The following TSC2 variants were observed in gnomAD, a reference collection of about 807,000 sequenced individuals.
TSC2 encodes the protein TSC complex subunit 2.
TSC2 carries 29 observed loss-of-function variants against 202.2 expected under a neutral mutation model. The ratio of observed to expected loss-of-function variants is 0.14; its 90% CI spans 0.11 to 0.20. The LOEUF is 0.20. Among genes scored for constraint, TSC2 ranks in the 10% least tolerant of loss-of-function variants. The pLI is 1.00. For synonymous variants in TSC2, 1,349 were observed against 1,044.0 expected, an observed-to-expected ratio of 1.29 and a Z score of -5.63; for missense variants, 2,429 against 2,420.0, an observed-to-expected ratio of 1.00 and a Z score of -0.08.
rs1368854271 is a variant in TSC2, at chr16:2,059,532, T to TC, written c.975+659_975+660insC. Among the ~76,000 whole-genome samples the TC allele has an allele frequency of 1.1e-4, 16 of 147,858 alleles. No individual in the cohort carries two copies. The East Asian group carries it at 2.6e-3, about 24-fold the overall frequency. On this transcript the variant is annotated intron_variant, in intron 10 of 41. Coordinates refer to ENST00000219476, the MANE Select transcript of TSC2 (RefSeq NM_000548.5). ...TGGTTTTTTTTTTTTTTTTTTTTTT[T>TC]TAATGGGACAGAGTTTCGCTCTTAT...
chr16:2,086,602 GCCAGGCA>G (rs568762494), intron 37 of TSC2, 123 bp from the exon 38 acceptor site: 442 of 1,474,242 alleles, frequency 3.0e-4, no homozygotes, highest in Non-Finnish European at 3.9e-4. Context: ...AGGACCACTG[GCCAGGCA>G]CCAGAGGACG....
chr16:2,084,657 G>C lies in TSC2; in HGVS notation c.4435G>C (p.Ala1479Pro), dbSNP rs777529733. 6.3e-7 allele frequency: 1 copy of C among 1,599,040 alleles called. No homozygotes were observed. ...SRRGKRVERDALKSRATASNA... is the reference protein window; with the variant it reads ...SRRGKRVERDPLKSRATASNA... The stretch of plus-strand genomic sequence containing the variant: ...CAGGGGCAAGAGAGTAGAGAGGGAC[G>C]CCTTAAAGAGCAGAGCCACAGCCTC... Residue 1479 changes from alanine to proline, a missense_variant, in exon 34 of 42, where the codon GCC becomes CCC. By Grantham distance (27) the Ala-to-Pro change is conservative. Transcript: ENST00000219476.
At chr16:2,082,987 G>A in intron 32 of TSC2, 1 of 397,098 alleles carries the variant, frequency 2.5e-6, no homozygotes, top group South Asian at 1.8e-5. Flanking sequence ...AAGCCCTGGT[G>A]GGGAGTGCTG....
At position 2,048,596 on chromosome 16, in the gene TSC2, C is replaced by G. The variant is rs780829685; in HGVS notation, c.-20C>G. On this transcript the variant is annotated 5_prime_UTR_variant, in exon 2 of 42. Coordinates refer to ENST00000219476, the MANE Select transcript of TSC2 (RefSeq NM_000548.5). The stretch of plus-strand genomic sequence containing the variant: ...TGTTTCGTTTGCACAGAGGGGTTTT[C>G]TGGTGCGTCCTGGTCCACCATGGCC... The G allele has an allele frequency of 6.2e-7, 1 of 1,613,702 alleles. No individual in the cohort carries two copies. The highest frequency in any genetic ancestry group is 1.1e-5 in the South Asian group (1 of 91,090).
At chr16:2,059,737 T>A (rs1216739526) in intron 10 of TSC2, among the ~76,000 whole-genome samples, 1 of 152,132 alleles carries the variant, frequency 6.6e-6, no homozygotes, top group African/African-American at 2.4e-5. Flanking sequence ...CAGGCTGGTC[T>A]CAAACTCCCG....
rs1030677013 is a variant in TSC2 at position 2,079,834 on chromosome 16, C to A, written c.3397+165C>A. On this transcript the variant is annotated intron_variant, in intron 29 of 41. Transcript: ENST00000219476. The surrounding 1 kb of genome is among the most constrained non-coding windows in gnomAD (Gnocchi z 4.6). ...AGCCTTCCACAGCTCACCCCAGAGC[C>A]GTGGAGTGGTGGAGTGTGGCCCGCT... 6.6e-6 allele frequency among the ~76,000 whole-genome samples: 1 copy of A among 152,134 alleles called. No homozygotes were observed. Among genetic ancestry groups the A allele is most frequent in the African/African-American group, 2.4e-5 (1 of 41,430 alleles).
chr16:2,050,376 T>C, intron 2 of TSC2, 24 bp from the exon 3 acceptor site: 1 of 1,612,866 alleles, frequency 6.2e-7, no homozygotes. Flanking sequence ...ACTGGCCCCT[T>C]TTTCTTCTTT....
rs1446097378 is a variant in TSC2 at position 2,072,971 on chromosome 16, C to A, written c.2343C>A (p.Asp781Glu). ...TAATCTCTTACCATAACTACCTGGACAAAACCAAACAGGTAGGAGGTCAGA... is the reference window on the plus strand; with the variant it reads ...TAATCTCTTACCATAACTACCTGGAAAAAACCAAACAGGTAGGAGGTCAGA... ...TALISYHNYL[D>E]KTKQREMVYC... The change falls in exon 21 of 42, where the codon GAC becomes GAA. Residue 781 changes from aspartate (D) to glutamate (E), a missense_variant. By Grantham distance (45) the Asp-to-Glu change is conservative. Coordinates refer to ENST00000219476, the MANE Select transcript of TSC2 (RefSeq NM_000548.5). 6.2e-7 allele frequency: 1 copy of A among 1,613,538 alleles called. No individual in the cohort carries two copies. Among genetic ancestry groups the A allele is most frequent in the Admixed American group, 1.7e-5 (1 of 60,028 alleles).
intron 15 of TSC2, chr16:2,065,312 C>G: frequency 1.8e-6 from 1 of 567,330 alleles, no homozygotes; most frequent in Non-Finnish European, 3.2e-6. Flanking sequence ...ACTGGGGAGG[C>G]TGAGGCAGGA....
rs368220331 is a variant in TSC2 at position 2,049,591 on chromosome 16, G to A, written c.139-809G>A. Among the ~76,000 whole-genome samples the A allele has an allele frequency of 8.6e-5, 13 of 151,842 alleles. No individual in the cohort carries two copies. The East Asian group carries it at 1.8e-3, about 21-fold the overall frequency. On this transcript the variant is annotated intron_variant, in intron 2 of 41. Transcript: ENST00000219476. ...TGTCATCCCAGCACTTTGGGAGGCC[G>A]AGGCGGGTGGATCACCTGAGGTCAG... is the stretch of plus-strand genomic sequence containing the variant.
At chr16:2,063,787 G>A (rs1347644385) in intron 14 of TSC2, 9 of 256,798 alleles carry the variant, frequency 3.5e-5, no homozygotes, top group South Asian at 3.2e-4. Context: ...TCTTGTCCTG[G>A]TCTCTGTTCC....
rs958738152 is a variant in TSC2, at chr16:2,085,091, C to G, written c.4569+65C>G. On this transcript the variant is annotated intron_variant, in intron 35 of 41. Transcript: ENST00000219476. ...GTGGCTCGGGTGAATGGTGGGGGGC[C>G]CAGCTCTGCTGCTGGGAGCTCAGGC... 47 of 1,607,354 alleles carry G rather than the reference C, an allele frequency of 2.9e-5. No homozygotes were observed. In the African/African-American group the frequency reaches 3.6e-4, roughly 12 times the overall value.
At chr16:2,063,843 G>A (rs962488347) in intron 14 of TSC2, 30 of 325,996 alleles carry the variant, frequency 9.2e-5, no homozygotes, top group Non-Finnish European at 1.8e-5. Flanking sequence ...GCTGTCCTCA[G>A]CACAGCACGC....
Position 2,056,168 on chromosome 16 carries a change from C to T in TSC2, c.600-28C>T, listed in dbSNP as rs752391078. ...TGGCTCGGCCATCCAGGCAGTGCTG[C>T]CGGGACTGAGCTCGGTGCTCCCTGC... is the stretch of plus-strand genomic sequence containing the variant. On this transcript the variant is annotated intron_variant, in intron 6 of 41. Coordinates refer to ENST00000219476, the MANE Select transcript of TSC2 (RefSeq NM_000548.5). 5 of 1,613,432 alleles carry T rather than the reference C, an allele frequency of 3.1e-6. No individual in the cohort carries two copies. The East Asian group carries it at 1.1e-4, about 36-fold the overall frequency.
intron 31 of TSC2, 135 bp from the exon 32 acceptor site, chr16:2,082,301 T>C (rs1345174530): frequency 3.1e-6 from 3 of 962,270 alleles, no homozygotes; most frequent in Non-Finnish European, 5.0e-6. Context: ...TAGCTAGCAC[T>C]GGGCCCCGTG....
intron 16 of TSC2, among the ~76,000 whole-genome samples, chr16:2,068,319 C>T (rs1157305674): frequency 6.6e-6 from 1 of 152,148 alleles, no homozygotes; most frequent in Non-Finnish European, 1.5e-5. Context: ...GGATTACAGG[C>T]GTGAGCCATC....
At chr16:2,070,653 T>C in intron 17 of TSC2, 75 bp downstream of exon 17, 1 of 1,606,024 alleles carries the variant, frequency 6.2e-7, no homozygotes, top group Non-Finnish European at 8.5e-7. Context: ...GTGTGGTTCC[T>C]GGAAGCTGCA....
chr16:2,087,611 G>A (rs2090999922), intron 38 of TSC2, among the ~76,000 whole-genome samples: 1 of 152,138 alleles, frequency 6.6e-6, no homozygotes. Flanking sequence ...GGGCCCCAGT[G>A]AGTGGAGGTG....
intron 32 of TSC2, 27 bp downstream of exon 32, chr16:2,082,531 G>A (rs780276021): frequency 1.2e-6 from 2 of 1,608,082 alleles, no homozygotes; most frequent in Non-Finnish European, 8.5e-7. Context: ...GGAAGCGGTT[G>A]GCTGCAGAGC....
Sources: allele counts gnomAD v4.1 joint callset (sites outside exome capture counted in the v4.1 genomes callset), GRCh38; gene constraint gnomAD v4.1.1; non-coding constraint Gnocchi (gnomAD v3.1); transcripts MANE v1.5; gene names NCBI Gene and HGNC (gene_info 2026-07-23, HGNC 2026-07-21).